ATP10A: variants seen among roughly 807,000 people sequenced by gnomAD.
ATP10A encodes the protein phospholipid-transporting ATPase VA.
A neutral mutation model predicts 147.8 loss-of-function variants in ATP10A; 111 were observed. The ratio of observed to expected loss-of-function variants is 0.75; its 90% CI spans 0.64 to 0.88. ATP10A has a LOEUF of 0.88. ATP10A is among the 40% of genes least tolerant of loss of function. ATP10A has a pLI of 0.00. For missense variants in ATP10A, 1,927 were observed against 1,959.0 expected, an observed-to-expected ratio of 0.98 and a Z score of 0.31; for synonymous variants, 875 against 841.6, an observed-to-expected ratio of 1.04 and a Z score of -0.69.
Position 25,863,311 on chromosome 15 carries a change from TC to T in ATP10A, c.-216del. On this transcript the variant is annotated 5_prime_UTR_variant, in exon 1 of 21. Transcript: ENST00000555815. Reference sequence around the variant, plus strand: ...GTCCAGCCCCGCCGCCCGGCCGCAGTCCCCAGGGCGCAAGCTGGGCGGGTGC... The same window carrying T: ...GTCCAGCCCCGCCGCCCGGCCGCAGTCCCAGGGCGCAAGCTGGGCGGGTGC... The T allele has an allele frequency of 5.8e-6, 1 of 173,170 alleles. No individual in the cohort carries two copies. 10.7% of individuals were successfully genotyped at this position (173,170 alleles called of 1,614,324 possible). A position where few individuals can be genotyped will look rare whatever the true frequency, so the allele number is the denominator to read the frequency against.
chr15:25,782,872 G>C (rs1889988800), intron 1 of ATP10A, among the ~76,000 whole-genome samples: 1 of 151,974 alleles, frequency 6.6e-6, no homozygotes, highest in Non-Finnish European at 1.5e-5. Flanking sequence ...AAATCTCATT[G>C]AGAAATCCTC....
At chr15:25,696,268 G>A (rs1040606337) in intron 13 of ATP10A, among the ~76,000 whole-genome samples, 10 of 152,224 alleles carry the variant, frequency 6.6e-5, no homozygotes, top group Admixed American at 1.3e-4. Context: ...CACAGTTACT[G>A]CCGTAGGGGG....
At chr15:25,711,907 C>A (rs1003552196) in intron 10 of ATP10A, among the ~76,000 whole-genome samples, 1 of 152,270 alleles carries the variant, frequency 6.6e-6, no homozygotes, top group Middle Eastern at 3.4e-3. Context: ...TGTCTTGTAA[C>A]CGGCATCAGG....
chr15:25,848,025 A>G lies in ATP10A; in HGVS notation c.449+14623T>C, dbSNP rs574472203. Among the ~76,000 whole-genome samples, 148 of 152,190 alleles carry G rather than the reference A, an allele frequency of 9.7e-4. 1 individual carries two copies. Among genetic ancestry groups the G allele is most frequent in the African/African-American group, 3.4e-3 (142 of 41,540 alleles). On this transcript the variant is annotated intron_variant, in intron 1 of 20. Coordinates refer to ENST00000555815, the MANE Select transcript of ATP10A (RefSeq NM_024490.4). Reference sequence around the variant, plus strand: ...GGTTTCTGCCAGGCATGGCAGATAGAGCCTGTATTTCCAGCTACTTGGGAG... The same window carrying G: ...GGTTTCTGCCAGGCATGGCAGATAGGGCCTGTATTTCCAGCTACTTGGGAG...
rs1899242541 is a variant in ATP10A, at chr15:25,679,454, C to T, written c.4387G>A (p.Ala1463Thr). 1 of 1,613,962 alleles carries T rather than the reference C, an allele frequency of 6.2e-7. No homozygotes were observed. The highest frequency in any genetic ancestry group is 1.7e-5 in the Admixed American group (1 of 60,010). Residue 1463 changes from alanine to threonine, a missense_variant, in exon 21 of 21, where the codon GCA (alanine) becomes ACA (threonine). Physicochemically the swap from Ala to Thr is moderately conservative, Grantham distance 58. Transcript: ENST00000555815. ...VLQFSRTEQL[A>T]DGQAGRGLPV... ...AGTCCACGTCCCGCTTGTCCATCTG[C>T]AAGCTGCTCCGTCCGGGAGAACTGT...
At chr15:25,743,436 T>C (rs772191424) in intron 2 of ATP10A, among the ~76,000 whole-genome samples, 3 of 152,138 alleles carry the variant, frequency 2.0e-5, no homozygotes, top group Non-Finnish European at 4.4e-5. Flanking sequence ...CCTGGAGGTA[T>C]GAAGGATTTA....
chr15:25,820,521 A>T (rs1291935615), intron 1 of ATP10A, among the ~76,000 whole-genome samples: 1 of 152,206 alleles, frequency 6.6e-6, no homozygotes, highest in African/African-American at 2.4e-5. Context: ...TCTAAAACTT[A>T]CATGGAAAAA....
intron 3 of ATP10A, among the ~76,000 whole-genome samples, chr15:25,734,583 T>C (rs1487029625): frequency 1.2e-4 from 18 of 152,132 alleles, no homozygotes; most frequent in Admixed American, 1.2e-3. Context: ...CTGGGGAAGA[T>C]GGCCCAGGAG....
intron 2 of ATP10A, among the ~76,000 whole-genome samples, chr15:25,739,067 G>C (rs879811829): frequency 3.9e-5 from 6 of 152,076 alleles, no homozygotes; most frequent in Non-Finnish European, 7.4e-5. Context: ...AATTTAAATT[G>C]CTTTTTATTT....
intron 2 of ATP10A, among the ~76,000 whole-genome samples, chr15:25,750,890 G>C (rs192754763): frequency 4.0e-5 from 6 of 151,864 alleles, no homozygotes; most frequent in Non-Finnish European, 8.8e-5. Context: ...TAATGAAAAG[G>C]TATAGCTAAT....
rs569229538 is a variant in ATP10A at position 25,727,149 on chromosome 15, C to T, written c.847+11G>A. 6.2e-7 allele frequency: 1 copy of T among 1,609,064 alleles called. No homozygotes were observed. The highest frequency in any genetic ancestry group is 2.2e-5 in the East Asian group (1 of 44,846). ...GTCTGGCGGCAGGTGGTGCCAGGTG[C>T]CCGAGCCTACCTGCGTAGATGACAA... On this transcript the variant is annotated intron_variant, in intron 4 of 20. Transcript: ENST00000555815.
At chr15:25,711,707 C>T (rs1207207463) in intron 10 of ATP10A, among the ~76,000 whole-genome samples, 5 of 152,182 alleles carry the variant, frequency 3.3e-5, no homozygotes, top group Non-Finnish European at 7.3e-5. Flanking sequence ...TTACCTGGCC[C>T]TTCCATGATG....
chr15:25,721,172 C>T (rs551445427), intron 7 of ATP10A, among the ~76,000 whole-genome samples: 3 of 152,248 alleles, frequency 2.0e-5, no homozygotes, highest in South Asian at 2.1e-4. Context: ...GAGTGGGGAC[C>T]GCTTCAATAA....
At chr15:25,828,480 T>C (rs1274851373) in intron 1 of ATP10A, among the ~76,000 whole-genome samples, 1 of 152,164 alleles carries the variant, frequency 6.6e-6, no homozygotes, top group Non-Finnish European at 1.5e-5. Context: ...AATCAATAAC[T>C]GAAGCAAATT....
chr15:25,714,706 C>CA (rs34343758), intron 9 of ATP10A, among the ~76,000 whole-genome samples: 1 of 151,800 alleles, frequency 6.6e-6, no homozygotes, highest in Non-Finnish European at 1.5e-5. Context: ...CCTTGCTTTG[C>CA]AAAAAAACAG....
chr15:25,799,507 A>G (rs1890837808), intron 1 of ATP10A, among the ~76,000 whole-genome samples: 2 of 152,256 alleles, frequency 1.3e-5, no homozygotes, highest in Admixed American at 1.3e-4. Flanking sequence ...CACTAAGAAT[A>G]AAAACAAAAC....
intron 1 of ATP10A, among the ~76,000 whole-genome samples, chr15:25,840,021 C>T (rs1892747613): frequency 6.6e-6 from 1 of 152,186 alleles, no homozygotes; most frequent in African/African-American, 2.4e-5. Context: ...CAAGACCCCT[C>T]ATGCTACCTC....
chr15:25,802,711 C>T lies in ATP10A; in HGVS notation c.450-21488G>A, dbSNP rs563281463. On this transcript the variant is annotated intron_variant, in intron 1 of 20. Transcript: ENST00000555815. ...AAGCCAGCAATGGTGGCAAGTCTTG[C>T]GCACTGGGCCACCGGCACTCTGGTT... Among the ~76,000 whole-genome samples, 8 of 152,262 alleles carry T rather than the reference C, an allele frequency of 5.3e-5. No homozygotes were observed. The South Asian group carries it at 6.2e-4, about 12-fold the overall frequency.
intron 1 of ATP10A, among the ~76,000 whole-genome samples, chr15:25,786,933 C>T (rs1890199038): frequency 1.3e-5 from 2 of 151,858 alleles, no homozygotes; most frequent in Non-Finnish European, 1.5e-5. Context: ...CCGTGCCTGG[C>T]CCATTATCAT....
Sources: allele counts gnomAD v4.1 joint callset (sites outside exome capture counted in the v4.1 genomes callset), GRCh38; gene constraint gnomAD v4.1.1; transcripts MANE v1.5; gene names NCBI Gene and HGNC (gene_info 2026-07-23, HGNC 2026-07-21).